CLDN22: variants seen among roughly 807,000 people sequenced by gnomAD.
The protein encoded by CLDN22 is claudin 22, also known as claudin-22.
For missense variants in CLDN22, 227 were observed against 252.2 expected, an observed-to-expected ratio of 0.90 and a Z score of 0.68; for synonymous variants, 86 against 107.9, an observed-to-expected ratio of 0.80 and a Z score of 1.26.
Position 183,319,959 on chromosome 4 carries a change from G to A in CLDN22, c.260C>T (p.Ser87Leu). ...LRVSRILMFLSNGLGFLGLLV... is the reference protein window; with the variant it reads ...LRVSRILMFLLNGLGFLGLLV... ...CAGGCCCAGAAATCCCAGCCCATTT[G>A]ACAGAAACATTAAGATCCTGGAGAC... The change falls in exon 1 of 1, where the codon TCA becomes TTA. Residue 87 changes from serine (S) to leucine (L), a missense_variant. Coordinates refer to ENST00000323319, the MANE Select transcript of CLDN22 (RefSeq NM_001111319.3). 1 of 1,613,480 alleles carries A rather than the reference G, an allele frequency of 6.2e-7. No individual in the cohort carries two copies. The highest frequency in any genetic ancestry group is 1.3e-5 in the African/African-American group (1 of 74,944).
Position 183,319,922 on chromosome 4 carries a change from C to T in CLDN22, c.297G>A (p.Gly99=). Residue 99 remains glycine (G), a synonymous_variant, in exon 1 of 1, where the codon GGG becomes GGA. Transcript: ENST00000323319. ...CAATTCTCAAACAGTCCAGGCCAAA[C>T]CCAGAGACCAGCAGGCCCAGAAATC... ...GLGFLGLLVS[G]FGLDCLRIGE... 3 of 1,613,714 alleles carry T rather than the reference C, an allele frequency of 1.9e-6. No individual in the cohort carries two copies. Among genetic ancestry groups the T allele is most frequent in the Non-Finnish European group, 2.5e-6 (3 of 1,179,756 alleles).
Position 183,319,556 on chromosome 4 carries a change from T to G in CLDN22, c.663A>C (p.Ter221TyrextTer45). The G allele has an allele frequency of 6.2e-7, 1 of 1,607,526 alleles. No individual in the cohort carries two copies. Among genetic ancestry groups the G allele is most frequent in the South Asian group, 1.1e-5 (1 of 89,890 alleles). Reference protein sequence around the residue: ...LETRNTNLKH* With the variant: ...LETRNTNLKHY ...ACAGCAGACGCTTGTCCTTTCTGGC[T>G]TAGTGTTTCAGGTTGGTGTTTCTCG... Residue 221 changes from the stop codon to tyrosine (Y), a stop_lost, in exon 1 of 1, where the codon TAA (stop) becomes TAC (tyrosine). Transcript: ENST00000323319.
chr4:183,319,406 A>C lies in CLDN22; in HGVS notation c.*150T>G, dbSNP rs1048333093. ...GACTAGAAGATAAAAATGGTTTACC[A>C]GTCTTGGAAAGAAACTATAGTTTAA... On this transcript the variant is annotated 3_prime_UTR_variant, in exon 1 of 1. Transcript: ENST00000323319. The C allele has an allele frequency of 4.7e-6, 4 of 854,406 alleles. No individual in the cohort carries two copies. Among genetic ancestry groups the C allele is most frequent in the Non-Finnish European group, 7.2e-6 (4 of 551,776 alleles). The allele number at this position is 854,406 out of a possible 1,614,324, so 52.9% of individuals were successfully genotyped here. A position where few individuals can be genotyped will look rare whatever the true frequency, so the allele number is the denominator to read the frequency against.
rs775532838 is a variant in CLDN22 at position 183,320,015 on chromosome 4, G to C, written c.204C>G (p.Asp68Glu). The change falls in exon 1 of 1, where the codon GAC (aspartate) becomes GAG (glutamate). Residue 68 changes from aspartate (D) to glutamate (E), a missense_variant. Physicochemically the swap from Asp to Glu is conservative, Grantham distance 45. Coordinates refer to ENST00000323319, the MANE Select transcript of CLDN22 (RefSeq NM_001111319.3). ...EEVGMQCKDF[D>E]SFLALPAELR... Reference sequence around the variant, plus strand: ...GTTCAGCAGGCAAAGCCAGGAAGGAGTCAAAGTCCTTGCATTGCATCCCCA... The same window carrying C: ...GTTCAGCAGGCAAAGCCAGGAAGGACTCAAAGTCCTTGCATTGCATCCCCA... 5 of 1,613,876 alleles carry C rather than the reference G, an allele frequency of 3.1e-6. No individual in the cohort carries two copies. The Admixed American group carries it at 6.7e-5, about 22-fold the overall frequency.
chr4:183,320,019 A>G lies in CLDN22; in HGVS notation c.200T>C (p.Phe67Ser), dbSNP rs764255287. ...QEEVGMQCKD[F>S]DSFLALPAEL... is the part of the protein sequence containing the mutation. ...AGCAGGCAAAGCCAGGAAGGAGTCA[A>G]AGTCCTTGCATTGCATCCCCACTTC... is the stretch of plus-strand genomic sequence containing the variant. Residue 67 changes from phenylalanine (F) to serine (S), a missense_variant, in exon 1 of 1, where the codon TTT (phenylalanine) becomes TCT (serine). Phe to Ser is a radical substitution (Grantham distance 155). Transcript: ENST00000323319. 7.4e-6 allele frequency: 12 copies of G among 1,613,834 alleles called. No individual in the cohort carries two copies. The highest frequency in any genetic ancestry group is 6.7e-5 in the Admixed American group (4 of 60,000).
Position 183,318,294 on chromosome 4 carries a change from A to T in CLDN22, c.*1262T>A, listed in dbSNP as rs1422943239. On this transcript the variant is annotated 3_prime_UTR_variant, in exon 1 of 1. Transcript: ENST00000323319. ...TAGCATGCAAATCAAATAAATTAAA[A>T]TTTTTTGCTATTGCTTTATCTATAT... The T allele has an allele frequency of 2.6e-5, 4 of 152,604 alleles. No individual in the cohort carries two copies. The East Asian group carries it at 7.7e-4, about 29-fold the overall frequency. The allele number at this position is 152,604 out of a possible 1,614,324, so 9.5% of individuals were successfully genotyped here. A position where few individuals can be genotyped will look rare whatever the true frequency, so the allele number is the denominator to read the frequency against.
In CLDN22 at chr4:183,319,867, G is replaced by C. The variant is rs1739578956; in HGVS notation, c.352C>G (p.Leu118Val). The change falls in exon 1 of 1, where the codon CTG becomes GTG. Residue 118 changes from leucine (L) to valine (V), a missense_variant. Coordinates refer to ENST00000323319, the MANE Select transcript of CLDN22 (RefSeq NM_001111319.3). ...GACAGAATTCCTCCCAGGATCAGCA[G>C]TCGCCTCTTGAGATCTCTCTGACTC... ...GESQRDLKRR[L>V]LILGGILSWA... 2 of 1,613,948 alleles carry C rather than the reference G, an allele frequency of 1.2e-6. No individual in the cohort carries two copies. The highest frequency in any genetic ancestry group is 1.7e-6 in the Non-Finnish European group (2 of 1,179,866).
chr4:183,319,514 G>C lies in CLDN22; in HGVS notation c.*42C>G, dbSNP rs2111140270. On this transcript the variant is annotated 3_prime_UTR_variant, in exon 1 of 1. Transcript: ENST00000323319. ...GGGACATCCTACCAAATCCAGTGTT[G>C]AGCAAGCGTCTCCTGAACAGCAGAC... 1 of 1,542,292 alleles carries C rather than the reference G, an allele frequency of 6.5e-7. No homozygotes were observed. Among genetic ancestry groups the C allele is most frequent in the Non-Finnish European group, 8.7e-7 (1 of 1,144,932 alleles).
In CLDN22 at chr4:183,319,513, T is replaced by C. The variant is rs761336229; in HGVS notation, c.*43A>G. 2.0e-6 allele frequency: 3 copies of C among 1,537,894 alleles called. No homozygotes were observed. Among genetic ancestry groups the C allele is most frequent in the Non-Finnish European group, 1.7e-6 (2 of 1,143,024 alleles). On this transcript the variant is annotated 3_prime_UTR_variant, in exon 1 of 1. Coordinates refer to ENST00000323319, the MANE Select transcript of CLDN22 (RefSeq NM_001111319.3). ...CGGGACATCCTACCAAATCCAGTGT[T>C]GAGCAAGCGTCTCCTGAACAGCAGA...
chr4:183,319,354 A>G lies in CLDN22; in HGVS notation c.*202T>C. ...ATCCACAGTAATGGGTGTCATTACTATTCAGTCTTGATTGATTTTGGTCTC... is the reference window on the plus strand; with the variant it reads ...ATCCACAGTAATGGGTGTCATTACTGTTCAGTCTTGATTGATTTTGGTCTC... On this transcript the variant is annotated 3_prime_UTR_variant, in exon 1 of 1. Transcript: ENST00000323319. The G allele has an allele frequency of 1.7e-6, 1 of 591,050 alleles. No homozygotes were observed. The highest frequency in any genetic ancestry group is 2.9e-6 in the Non-Finnish European group (1 of 339,278). The allele number at this position is 591,050 out of a possible 1,614,324, so 36.6% of individuals were successfully genotyped here.
rs190344127 is a variant in CLDN22 at position 183,318,960 on chromosome 4, C to G, written c.*596G>C. Reference sequence around the variant, plus strand: ...GTGTGGCAGAGTCTACTTGAATCATCCAAAACCCAAGATCGCCCTCCTGCC... The same window carrying G: ...GTGTGGCAGAGTCTACTTGAATCATGCAAAACCCAAGATCGCCCTCCTGCC... On this transcript the variant is annotated 3_prime_UTR_variant, in exon 1 of 1. Transcript: ENST00000323319. 1 of 152,490 alleles carries G rather than the reference C, an allele frequency of 6.6e-6. No individual in the cohort carries two copies. The highest frequency in any genetic ancestry group is 1.9e-4 in the East Asian group (1 of 5,196). The allele number at this position is 152,490 out of a possible 1,614,324, so 9.4% of individuals were successfully genotyped here. A position where few individuals can be genotyped will look rare whatever the true frequency, so the allele number is the denominator to read the frequency against.
Position 183,319,945 on chromosome 4 carries a change from A to G in CLDN22, c.274T>C (p.Phe92Leu), listed in dbSNP as rs1739583201. The G allele has an allele frequency of 6.2e-7, 1 of 1,613,342 alleles. No homozygotes were observed. Among genetic ancestry groups the G allele is most frequent in the Admixed American group, 1.7e-5 (1 of 59,906 alleles). Residue 92 changes from phenylalanine (F) to leucine (L), a missense_variant, in exon 1 of 1, where the codon TTT becomes CTT. Transcript: ENST00000323319. ...AACCCAGAGACCAGCAGGCCCAGAA[A>G]TCCCAGCCCATTTGACAGAAACATT... ...ILMFLSNGLG[F>L]LGLLVSGFGL...
In CLDN22 at chr4:183,319,930, C is replaced by T. The variant is rs760880715; in HGVS notation, c.289G>A (p.Val97Ile). The change falls in exon 1 of 1, where the codon GTC becomes ATC. Residue 97 changes from valine (V) to isoleucine (I), a missense_variant. By Grantham distance (29) the Val-to-Ile change is conservative (BLOSUM62 3). Coordinates refer to ENST00000323319, the MANE Select transcript of CLDN22 (RefSeq NM_001111319.3). ...SNGLGFLGLLVSGFGLDCLRI... is the reference protein window; with the variant it reads ...SNGLGFLGLLISGFGLDCLRI... ...AAACAGTCCAGGCCAAACCCAGAGACCAGCAGGCCCAGAAATCCCAGCCCA... is the reference window on the plus strand; with the variant it reads ...AAACAGTCCAGGCCAAACCCAGAGATCAGCAGGCCCAGAAATCCCAGCCCA... The T allele has an allele frequency of 1.9e-6, 3 of 1,613,540 alleles. No individual in the cohort carries two copies. The South Asian group carries it at 3.3e-5, about 18-fold the overall frequency.
In CLDN22 at chr4:183,320,029, A is replaced by C. The variant is rs1739589405; in HGVS notation, c.190T>G (p.Cys64Gly). ...CVIQEEVGMQ[C>G]KDFDSFLALP... The stretch of plus-strand genomic sequence containing the variant: ...GCCAGGAAGGAGTCAAAGTCCTTGC[A>C]TTGCATCCCCACTTCCTCTTGGATG... Residue 64 changes from cysteine to glycine, a missense_variant, in exon 1 of 1, where the codon TGC becomes GGC. Physicochemically the swap from Cys to Gly is radical, Grantham distance 159 (BLOSUM62 -3). Coordinates refer to ENST00000323319, the MANE Select transcript of CLDN22 (RefSeq NM_001111319.3). 1 of 1,613,890 alleles carries C rather than the reference A, an allele frequency of 6.2e-7. No individual in the cohort carries two copies. Among genetic ancestry groups the C allele is most frequent in the Admixed American group, 1.7e-5 (1 of 60,010 alleles).
rs1443220233 is a variant in CLDN22 at position 183,319,724 on chromosome 4, G to A, written c.495C>T (p.Ala165=). The change falls in exon 1 of 1, where the codon GCC becomes GCT. Residue 165 remains alanine, a synonymous_variant. Coordinates refer to ENST00000323319, the MANE Select transcript of CLDN22 (RefSeq NM_001111319.3). Reference sequence around the variant, plus strand: ...GTCCAGCAAACCAGCCCAGAAACAGGGCCTCCCCAAACTCCCACCTGGGGA... The same window carrying A: ...GTCCAGCAAACCAGCCCAGAAACAGAGCCTCCCCAAACTCCCACCTGGGGA... ...DFVPRWEFGE[A]LFLGWFAGLS... The A allele has an allele frequency of 6.2e-7, 1 of 1,613,958 alleles. No individual in the cohort carries two copies. The highest frequency in any genetic ancestry group is 8.5e-7 in the Non-Finnish European group (1 of 1,179,952).
In CLDN22 at chr4:183,320,240, G is replaced by T. The variant is rs745751905; in HGVS notation, c.-22C>A. Reference sequence around the variant, plus strand: ...CCATTATAATGTCCTGAGAGCTTTAGCCAAACTAACTCCTGCCCTTCGGTT... The same window carrying T: ...CCATTATAATGTCCTGAGAGCTTTATCCAAACTAACTCCTGCCCTTCGGTT... On this transcript the variant is annotated 5_prime_UTR_variant, in exon 1 of 1. Coordinates refer to ENST00000323319, the MANE Select transcript of CLDN22 (RefSeq NM_001111319.3). 1.9e-6 allele frequency: 3 copies of T among 1,593,490 alleles called. No homozygotes were observed. The Admixed American group carries it at 5.3e-5, about 28-fold the overall frequency.
chr4:183,320,120 C>G lies in CLDN22; in HGVS notation c.99G>C (p.Trp33Cys), dbSNP rs1431128005. The G allele has an allele frequency of 3.1e-6, 5 of 1,614,010 alleles. No homozygotes were observed. Among genetic ancestry groups the G allele is most frequent in the East Asian group, 2.2e-5 (1 of 44,900 alleles). ...CATTTAAGTCCAGGTTGAGGTTCTT[C>G]CAGTGTGGCAGGTAGTTTGTAAGAC... ...LSCLTNYLPH[W>C]KNLNLDLNEM... Residue 33 changes from tryptophan (W) to cysteine (C), a missense_variant, in exon 1 of 1, where the codon TGG becomes TGC. By Grantham distance (215) the Trp-to-Cys change is radical. Coordinates refer to ENST00000323319, the MANE Select transcript of CLDN22 (RefSeq NM_001111319.3).
rs1739598549 is a variant in CLDN22, at chr4:183,320,205, A to T, written c.14T>A (p.Phe5Tyr). 1 of 1,613,502 alleles carries T rather than the reference A, an allele frequency of 6.2e-7. No homozygotes were observed. The highest frequency in any genetic ancestry group is 8.5e-7 in the Non-Finnish European group (1 of 1,179,844). Residue 5 changes from phenylalanine to tyrosine, a missense_variant, in exon 1 of 1, where the codon TTT becomes TAT. Coordinates refer to ENST00000323319, the MANE Select transcript of CLDN22 (RefSeq NM_001111319.3). The stretch of plus-strand genomic sequence containing the variant: ...TCCAGCTAGTTGAGCTACAGTTCTA[A>T]ATACTAAAGCCATTATAATGTCCTG... MALV[F>Y]RTVAQLAGVS...
chr4:183,319,781 C>G lies in CLDN22; in HGVS notation c.438G>C (p.Gln146His). 3.1e-6 allele frequency: 5 copies of G among 1,614,022 alleles called. No homozygotes were observed. The highest frequency in any genetic ancestry group is 1.7e-5 in the Admixed American group (1 of 60,010). ...PVSWVAHKTVQEFWDENVPDF... is the reference protein window; with the variant it reads ...PVSWVAHKTVHEFWDENVPDF... ...CTGGGACGTTCTCATCCCAGAACTC[C>G]TGAACCGTCTTGTGGGCAACCCAAG... Residue 146 changes from glutamine to histidine, a missense_variant, in exon 1 of 1, where the codon CAG becomes CAC. Physicochemically the swap from Gln to His is conservative, Grantham distance 24 (BLOSUM62 0). Transcript: ENST00000323319.
Sources: allele counts gnomAD v4.1 joint callset, GRCh38; gene constraint gnomAD v4.1.1; transcripts MANE v1.5; gene names NCBI Gene and HGNC (gene_info 2026-07-23, HGNC 2026-07-21).